Variants in CSMD3 observed in about 807,000 individuals in gnomAD.
CSMD3 encodes the protein CUB and sushi domain-containing protein 3.
In CSMD3, 177 loss-of-function variants were observed where a neutral mutation model predicts 435.2. That is an observed-to-expected ratio of 0.41 (90% CI 0.36 to 0.46). The LOEUF is 0.46. Ranked by LOEUF, CSMD3 falls within the 20% of genes least tolerant of loss-of-function variation. The probability of loss-of-function intolerance (pLI) is 0.34; values close to 1 mark genes in which losing one functional copy is unlikely to be tolerated. For synonymous variants in CSMD3, 1,656 were observed against 1,520.5 expected (o/e 1.09, Z -2.07); for missense variants, 4,265 against 4,504.6 (o/e 0.95, Z 1.52).
intron 38 of CSMD3, among the ~76,000 whole-genome samples, chr8:112,369,357 A>G (rs190268707): frequency 6.6e-6 from 1 of 152,334 alleles, no homozygotes; most frequent in African/African-American, 2.4e-5. Context: ...ACTCTAAAAA[A>G]TATAATTTTT....
chr8:112,295,603 A>G (rs1350747829), intron 54 of CSMD3, among the ~76,000 whole-genome samples: 2 of 151,744 alleles, frequency 1.3e-5, no homozygotes, highest in Non-Finnish European at 2.9e-5. Context: ...TATATTAAAT[A>G]TGAGAAGAGC....
intron 24 of CSMD3, among the ~76,000 whole-genome samples, chr8:112,572,488 T>C (rs1246896659): frequency 6.6e-6 from 1 of 152,118 alleles, no homozygotes; most frequent in Non-Finnish European, 1.5e-5. Context: ...TATAATTTGA[T>C]TCAAATTCCC....
intron 6 of CSMD3, among the ~76,000 whole-genome samples, chr8:112,991,178 AAT>A (rs777856279): frequency 1.3e-5 from 2 of 151,286 alleles, no homozygotes; most frequent in African/African-American, 4.9e-5. Flanking sequence ...TGCTGAATTA[AAT>A]ATATATATAT....
chr8:112,373,812 G>C (rs1175134430), intron 38 of CSMD3, among the ~76,000 whole-genome samples: 3 of 152,108 alleles, frequency 2.0e-5, no homozygotes, highest in Non-Finnish European at 2.9e-5. Flanking sequence ...GTGGTGCTTG[G>C]GTAGAGGGCA....
At chr8:112,445,151 G>A (rs111557593) in intron 32 of CSMD3, among the ~76,000 whole-genome samples, 9 of 152,078 alleles carry the variant, frequency 5.9e-5, no homozygotes, top group African/African-American at 1.9e-4. Flanking sequence ...GCTGAGACAC[G>A]AGAATCCCTT....
chr8:112,754,185 T>C (rs1358539280), intron 13 of CSMD3, among the ~76,000 whole-genome samples: 1 of 152,138 alleles, frequency 6.6e-6, no homozygotes, highest in Non-Finnish European at 1.5e-5. Context: ...CAGTACAAAG[T>C]AGTTGAGAAA....
intron 1 of CSMD3, among the ~76,000 whole-genome samples, chr8:113,433,703 C>T (rs1194154115): frequency 6.6e-6 from 1 of 152,176 alleles, no homozygotes; most frequent in Non-Finnish European, 1.5e-5. Context: ...GTGTGTGTTC[C>T]CCTGGGATCC....
At chr8:112,751,957 C>T (rs974097175) in intron 13 of CSMD3, among the ~76,000 whole-genome samples, 1 of 152,080 alleles carries the variant, frequency 6.6e-6, no homozygotes, top group South Asian at 2.1e-4. Flanking sequence ...TAATCCAGTA[C>T]ATCATTCCAA....
intron 22 of CSMD3, among the ~76,000 whole-genome samples, chr8:112,587,584 T>C (rs1164109032): frequency 1.3e-5 from 2 of 151,902 alleles, no homozygotes; most frequent in East Asian, 1.9e-4. Flanking sequence ...AAATTTATAA[T>C]TTAGCTCTTT....
chr8:113,271,069 G>A (rs953793801), intron 3 of CSMD3, among the ~76,000 whole-genome samples: 1 of 152,014 alleles, frequency 6.6e-6, no homozygotes, highest in Admixed American at 6.6e-5. Context: ...TAGGGTATCT[G>A]GTAGAAGAAA....
chr8:113,226,661 C>T (rs2093032347), intron 3 of CSMD3, among the ~76,000 whole-genome samples: 1 of 151,568 alleles, frequency 6.6e-6, no homozygotes, highest in Admixed American at 6.6e-5. Context: ...ATTGTCAACA[C>T]ATATTCCACT....
chr8:113,333,984 G>T (rs1440719094), intron 1 of CSMD3, among the ~76,000 whole-genome samples: 1 of 151,780 alleles, frequency 6.6e-6, no homozygotes. Context: ...AGAAGTCCTA[G>T]ACATGACTTG....
At position 112,414,464 on chromosome 8, in the gene CSMD3, G is replaced by T. The variant is rs182418242; in HGVS notation, c.5396-5432C>A. ...CTTCTGCCATGATTGTAAATTTCCC[G>T]AGGCCTCCTCAGCAATGTAGAACTG... On this transcript the variant is annotated intron_variant, in intron 32 of 70. Coordinates refer to ENST00000297405, the MANE Select transcript of CSMD3 (RefSeq NM_198123.2). Among the ~76,000 whole-genome samples, 372 of 152,192 alleles carry T rather than the reference G, an allele frequency of 2.4e-3. 1 individual carries two copies. Among genetic ancestry groups the T allele is most frequent in the Middle Eastern group, 6.8e-3 (2 of 292 alleles).
At chr8:112,891,888 G>C (rs2081801840) in intron 10 of CSMD3, among the ~76,000 whole-genome samples, 1 of 151,196 alleles carries the variant, frequency 6.6e-6, no homozygotes, top group African/African-American at 2.4e-5. Flanking sequence ...CCTAAATTAA[G>C]GTGAGCCTGT....
At chr8:113,264,064 G>T (rs959866364) in intron 3 of CSMD3, among the ~76,000 whole-genome samples, 1 of 151,242 alleles carries the variant, frequency 6.6e-6, no homozygotes, top group African/African-American at 2.4e-5. Context: ...TAATAAGGAA[G>T]AATTCATTTC....
chr8:112,993,341 T>C (rs1280407741), intron 6 of CSMD3, among the ~76,000 whole-genome samples: 1 of 151,750 alleles, frequency 6.6e-6, no homozygotes, highest in African/African-American at 2.4e-5. Context: ...ATCCTAGATA[T>C]TTAGAAAATT....
chr8:113,399,106 T>TATATACACACAC lies in CSMD3; in HGVS notation c.178+37570_178+37571insGTGTGTGTATAT, dbSNP rs773585004. ...ATATATATATATATATATATATATA[T>TATATACACACAC]ACACACACACACACACACTATATAT... On this transcript the variant is annotated intron_variant, in intron 1 of 70. Coordinates refer to ENST00000297405, the MANE Select transcript of CSMD3 (RefSeq NM_198123.2). 1.7e-3 allele frequency among the ~76,000 whole-genome samples: 166 copies of TATATACACACAC among 95,058 alleles called. 1 individual carries two copies. Among genetic ancestry groups the TATATACACACAC allele is most frequent in the South Asian group, 5.8e-3 (14 of 2,404 alleles). 62.4% of individuals were successfully genotyped at this position (95,058 alleles called of 152,430 possible). A position where few individuals can be genotyped will look rare whatever the true frequency, so the allele number is the denominator to read the frequency against.
chr8:112,622,253 T>A (rs188000611), intron 22 of CSMD3, among the ~76,000 whole-genome samples: 1 of 152,286 alleles, frequency 6.6e-6, no homozygotes, highest in East Asian at 1.9e-4. Flanking sequence ...AAATGTCCTC[T>A]CCTGTCCAAC....
chr8:113,119,473 C>T (rs2090925541), intron 4 of CSMD3, among the ~76,000 whole-genome samples: 1 of 152,040 alleles, frequency 6.6e-6, no homozygotes, highest in South Asian at 2.1e-4. Context: ...AGAGAATAGC[C>T]TTAATCGGTG....
Sources: gnomAD v4.1 joint callset for allele counts (sites outside exome capture counted in the v4.1 genomes callset) on GRCh38, gnomAD v4.1.1 for gene constraint, MANE v1.5 for transcripts, NCBI Gene and HGNC (gene_info 2026-07-23, HGNC 2026-07-21) for gene names.